Variants in ARHGAP22 observed in about 807,000 individuals in gnomAD.
The protein encoded by ARHGAP22 is rho GTPase-activating protein 22.
ARHGAP22 carries 48 observed loss-of-function variants against 59.1 expected under a neutral mutation model. That is an observed-to-expected ratio of 0.81 (90% CI 0.64 to 1.03). The LOEUF (loss-of-function observed/expected upper bound fraction) is 1.03. Among genes scored for constraint, ARHGAP22 ranks in the 50% least tolerant of loss-of-function variants. ARHGAP22 has a pLI of 0.00. For synonymous variants in ARHGAP22, 445 were observed against 416.4 expected (o/e 1.07, Z -0.84); for missense variants, 1,015 against 958.7 (o/e 1.06, Z -0.78).
At chr10:48,479,551 G>A (rs4838601) in intron 4 of ARHGAP22, 85 bp downstream of exon 4, 1,581,495 of 1,607,572 alleles carry the variant, frequency 0.98, 781,226 homozygotes, top group East Asian at 1. Context: ...AGTGAGCAGG[G>A]TCTTTGGGGC....
intron 3 of ARHGAP22, among the ~76,000 whole-genome samples, chr10:48,480,571 G>A (rs934838784): frequency 6.6e-6 from 1 of 152,282 alleles, no homozygotes; most frequent in Non-Finnish European, 1.5e-5. Flanking sequence ...CCATGGGGTG[G>A]GTGGGCCCAA....
At chr10:48,563,237 A>G (rs1197080939) in intron 2 of ARHGAP22, among the ~76,000 whole-genome samples, 1 of 121,944 alleles carries the variant, frequency 8.2e-6, no homozygotes, top group African/African-American at 3.2e-5. Flanking sequence ...TCTGTGCCCC[A>G]GGCTGGAGTG....
chr10:48,585,720 C>A (rs1037163565), intron 1 of ARHGAP22, among the ~76,000 whole-genome samples: 3 of 152,232 alleles, frequency 2.0e-5, no homozygotes, highest in Admixed American at 6.5e-5. Flanking sequence ...CCCGCTCCAC[C>A]TTGATTCTCT....
chr10:48,644,447 A>T (rs2062204523), intron 1 of ARHGAP22, among the ~76,000 whole-genome samples: 1 of 152,242 alleles, frequency 6.6e-6, no homozygotes, highest in Non-Finnish European at 1.5e-5. Context: ...ATCAACATAC[A>T]TAGGGCACTC....
Position 48,450,335 on chromosome 10 carries a change from G to C in ARHGAP22, c.1794C>G (p.Ala598=). The change falls in exon 9 of 10, where the codon GCC becomes GCG. Residue 598 remains alanine (A), a synonymous_variant. Coordinates refer to ENST00000249601, the MANE Select transcript of ARHGAP22 (RefSeq NM_021226.4). Reference sequence around the variant, plus strand: ...TGAGCTCAGTGACCAGCCCCTGTAAGGCCTCGGAGCGGCGCGCGTGTTCCC... The same window carrying C: ...TGAGCTCAGTGACCAGCCCCTGTAACGCCTCGGAGCGGCGCGCGTGTTCCC... ...PTREHARRSE[A]LQGLVTELRA... The C allele has an allele frequency of 1.2e-6, 2 of 1,601,512 alleles. No individual in the cohort carries two copies. Among genetic ancestry groups the C allele is most frequent in the Admixed American group, 1.7e-5 (1 of 58,790 alleles).
chr10:48,489,079 T>C (rs2050120050), intron 3 of ARHGAP22, among the ~76,000 whole-genome samples: 2 of 152,342 alleles, frequency 1.3e-5, no homozygotes, highest in South Asian at 2.1e-4. Flanking sequence ...GTTTCAAATA[T>C]TTTGTGCTTT....
upstream of ARHGAP22, among the ~76,000 whole-genome samples, chr10:48,654,213 C>T (rs973032532): frequency 6.6e-6 from 1 of 152,258 alleles, no homozygotes; most frequent in East Asian, 1.9e-4. Context: ...TTCCAGTTCT[C>T]CTGTTTGCTT....
At chr10:48,441,058 G>T (rs1349487790), downstream of ARHGAP22, among the ~76,000 whole-genome samples, 1 of 152,204 alleles carries the variant, frequency 6.6e-6, no homozygotes, top group African/African-American at 2.4e-5. Context: ...ATGACAGAAT[G>T]TATGTCAGGT....
chr10:48,611,167 G>C (rs970270230), intron 1 of ARHGAP22, among the ~76,000 whole-genome samples: 1 of 152,224 alleles, frequency 6.6e-6, no homozygotes, highest in Admixed American at 6.5e-5. Context: ...GTATTAGAGT[G>C]AGTGTGGGAC....
At chr10:48,574,269 C>G (rs1170312468) in intron 2 of ARHGAP22, among the ~76,000 whole-genome samples, 1 of 152,082 alleles carries the variant, frequency 6.6e-6, no homozygotes. Context: ...TTCAAGTAAG[C>G]ACCCAATATT....
At chr10:48,459,065 A>G (rs893438003) in intron 5 of ARHGAP22, among the ~76,000 whole-genome samples, 9 of 152,194 alleles carry the variant, frequency 5.9e-5, no homozygotes, top group Admixed American at 5.2e-4. Context: ...ACTCTATGAA[A>G]AAACTGCCCC....
At chr10:48,561,044 T>C (rs952395349) in intron 2 of ARHGAP22, among the ~76,000 whole-genome samples, 4 of 152,128 alleles carry the variant, frequency 2.6e-5, no homozygotes, top group Admixed American at 6.6e-5. Context: ...CATTCTGAAA[T>C]AGAATAATCA....
chr10:48,564,388 C>G (rs770088409), intron 2 of ARHGAP22, among the ~76,000 whole-genome samples: 7 of 152,138 alleles, frequency 4.6e-5, no homozygotes, highest in Non-Finnish European at 1.0e-4. Context: ...AATTTTAATA[C>G]AATTCCATCC....
intron 7 of ARHGAP22, 147 bp from the exon 8 acceptor site, chr10:48,453,572 T>G: frequency 1.6e-6 from 2 of 1,242,254 alleles, no homozygotes; most frequent in Non-Finnish European, 2.3e-6. Context: ...TCTGCCAGGC[T>G]CGATGAGGGA....
chr10:48,601,500 C>A (rs1209121063), intron 1 of ARHGAP22, among the ~76,000 whole-genome samples: 1 of 152,174 alleles, frequency 6.6e-6, no homozygotes, highest in Non-Finnish European at 1.5e-5. Flanking sequence ...TTATTTATTA[C>A]CACTTCTTGA....
At chr10:48,446,988 T>C (rs1009257841) in intron 9 of ARHGAP22, among the ~76,000 whole-genome samples, 2 of 152,168 alleles carry the variant, frequency 1.3e-5, no homozygotes, top group Non-Finnish European at 2.9e-5. Context: ...CCCCTGGCCT[T>C]TGCTCCTGTG....
intron 1 of ARHGAP22, among the ~76,000 whole-genome samples, chr10:48,602,987 C>T (rs1469338560): frequency 6.6e-6 from 1 of 152,120 alleles, no homozygotes; most frequent in Non-Finnish European, 1.5e-5. Context: ...TGCATGTGCG[C>T]ACATGTGAAT....
chr10:48,588,874 A>G (rs867930506), intron 1 of ARHGAP22, among the ~76,000 whole-genome samples: 2 of 152,252 alleles, frequency 1.3e-5, no homozygotes, highest in African/African-American at 4.8e-5. Flanking sequence ...TTTCTGCTAT[A>G]GACCTCTGCT....
At chr10:48,648,636 T>C (rs2062414876) in intron 1 of ARHGAP22, among the ~76,000 whole-genome samples, 1 of 152,052 alleles carries the variant, frequency 6.6e-6, no homozygotes, top group Non-Finnish European at 1.5e-5. Flanking sequence ...AATAAAAGCT[T>C]TGGGTAAAAG....
Sources: allele counts gnomAD v4.1 joint callset (sites outside exome capture counted in the v4.1 genomes callset), GRCh38; gene constraint gnomAD v4.1.1; transcripts MANE v1.5; gene names NCBI Gene and HGNC (gene_info 2026-07-23, HGNC 2026-07-21).